The following A1CF variants were observed in gnomAD, a reference collection of about 807,000 sequenced individuals.
A1CF encodes APOBEC1 complementation factor.
A1CF carries 48 observed loss-of-function variants against 68.9 expected under a neutral mutation model. That is an observed-to-expected ratio of 0.70 (90% CI 0.55 to 0.89). The LOEUF (loss-of-function observed/expected upper bound fraction) is 0.89. A1CF is among the 40% of genes least tolerant of loss of function. The probability of loss-of-function intolerance (pLI) is 0.00; values close to 1 mark genes in which losing one functional copy is unlikely to be tolerated. For missense variants in A1CF, 653 were observed against 718.9 expected (o/e 0.91, Z 1.05); for synonymous variants, 272 against 260.4 (o/e 1.04, Z -0.43).
At chr10:50,874,007 C>A (rs1000369367) in intron 1 of A1CF, among the ~76,000 whole-genome samples, 6 of 151,826 alleles carry the variant, frequency 4.0e-5, no homozygotes, top group African/African-American at 1.2e-4. Flanking sequence ...TGTGTATATG[C>A]ACATATGTAC....
Position 50,802,477 on chromosome 10 carries a change from G to C in A1CF, c.*4252C>G, listed in dbSNP as rs1038010437. ...CTTGTAGTGCTATGTTAGAAACTTA[G>C]TTTTATCTTTAACAGATGTATTTAC... is the stretch of plus-strand genomic sequence containing the variant. On this transcript the variant is annotated 3_prime_UTR_variant, in exon 13 of 13. Transcript: ENST00000373997. 5 of 152,044 alleles carry C rather than the reference G, an allele frequency of 3.3e-5. No individual in the cohort carries two copies. The highest frequency in any genetic ancestry group is 1.2e-4 in the African/African-American group (5 of 41,404). 9.4% of individuals were successfully genotyped at this position (152,044 alleles called of 1,614,324 possible).
chr10:50,867,512 A>T (rs1255074527), intron 1 of A1CF, among the ~76,000 whole-genome samples: 2 of 152,184 alleles, frequency 1.3e-5, no homozygotes, highest in African/African-American at 4.8e-5. Flanking sequence ...GAGTGAAATG[A>T]TAGACAATGG....
In A1CF at chr10:50,840,276, AT is replaced by A. The variant is rs202161491; in HGVS notation, c.365+1585del. 8.0e-3 allele frequency among the ~76,000 whole-genome samples: 1,184 copies of A among 147,616 alleles called. 15 individuals carry two copies. Among genetic ancestry groups the A allele is most frequent in the African/African-American group, 0.023 (921 of 40,286 alleles). Reference sequence around the variant, plus strand: ...AATTGATGAACTGTGCTAAAATACAATTTTTTTTTTTTTATCATTTGTCGGC... The same window carrying A: ...AATTGATGAACTGTGCTAAAATACAATTTTTTTTTTTTATCATTTGTCGGC... On this transcript the variant is annotated intron_variant, in intron 5 of 12. Coordinates refer to ENST00000373997, the MANE Select transcript of A1CF (RefSeq NM_014576.4).
At chr10:50,811,281 T>G in intron 10 of A1CF, 105 bp from the exon 11 acceptor site, 1 of 1,166,538 alleles carries the variant, frequency 8.6e-7, no homozygotes, top group Non-Finnish European at 1.2e-6. Flanking sequence ...AGCTAGTATC[T>G]GAAGACATAA....
intron 2 of A1CF, 141 bp from the exon 3 acceptor site, chr10:50,860,126 G>T: frequency 1.8e-6 from 1 of 564,046 alleles, no homozygotes; most frequent in Non-Finnish European, 3.1e-6. Context: ...ATACAAACAA[G>T]GCTGTGTAAA....
At chr10:50,860,739 A>C (rs184841781) in intron 2 of A1CF, among the ~76,000 whole-genome samples, 1 of 152,324 alleles carries the variant, frequency 6.6e-6, no homozygotes, top group East Asian at 1.9e-4. Flanking sequence ...TACATTTTCT[A>C]TTTTGGGAAC....
rs12246868 is a variant in A1CF at position 50,884,853 on chromosome 10, C to G, written c.-94+728G>C. On this transcript the variant is annotated intron_variant, in intron 1 of 12. Coordinates refer to ENST00000373997, the MANE Select transcript of A1CF (RefSeq NM_014576.4). ...TTGATTTCTTTCTTTAGCTAAAATA[C>G]CATTATAATGTTTTTGGAGTACACA... 9.0e-3 allele frequency among the ~76,000 whole-genome samples: 1,375 copies of G among 152,070 alleles called. 25 individuals are homozygous for G. Among genetic ancestry groups the G allele is most frequent in the African/African-American group, 0.031 (1,301 of 41,484 alleles).
intron 1 of A1CF, among the ~76,000 whole-genome samples, chr10:50,874,885 A>C (rs781412580): frequency 2.0e-5 from 3 of 152,102 alleles, no homozygotes; most frequent in Non-Finnish European, 4.4e-5. Context: ...TGGTAGAATC[A>C]CCTGTGCTTA....
chr10:50,822,321 A>G (rs916932166), intron 7 of A1CF, among the ~76,000 whole-genome samples: 2 of 152,204 alleles, frequency 1.3e-5, no homozygotes, highest in Admixed American at 6.5e-5. Flanking sequence ...TAGCATGCCA[A>G]TTATCTTCTT....
intron 6 of A1CF, among the ~76,000 whole-genome samples, chr10:50,830,253 A>G (rs958286059): frequency 1.3e-5 from 2 of 152,180 alleles, no homozygotes; most frequent in African/African-American, 4.8e-5. Context: ...TTTAGATTCC[A>G]CATATAAGTG....
At chr10:50,883,294 C>T (rs750820290) in intron 1 of A1CF, among the ~76,000 whole-genome samples, 1 of 152,142 alleles carries the variant, frequency 6.6e-6, no homozygotes, top group Non-Finnish European at 1.5e-5. Context: ...GCTTTATCAT[C>T]TAATTTAAAC....
chr10:50,832,413 T>G (rs1480898476), intron 6 of A1CF, among the ~76,000 whole-genome samples: 4 of 152,162 alleles, frequency 2.6e-5, no homozygotes, highest in African/African-American at 9.7e-5. Flanking sequence ...TCAGGAGTTT[T>G]AAAAGTAGCT....
intron 6 of A1CF, among the ~76,000 whole-genome samples, chr10:50,834,633 G>C (rs759397925): frequency 6.6e-6 from 1 of 152,102 alleles, no homozygotes; most frequent in Admixed American, 6.6e-5. Flanking sequence ...TTTTGAACTG[G>C]CCAGTTAGTG....
Position 50,801,148 on chromosome 10 carries a change from G to T in A1CF, c.*5581C>A, listed in dbSNP as rs1837584708. On this transcript the variant is annotated 3_prime_UTR_variant, in exon 13 of 13. Transcript: ENST00000373997. Reference sequence around the variant, plus strand: ...GCAGAACTCAGGACTCACAGCCCAGGGGTTATGAGAGGAAAACTAGGACCA... The same window carrying T: ...GCAGAACTCAGGACTCACAGCCCAGTGGTTATGAGAGGAAAACTAGGACCA... The T allele has an allele frequency of 6.6e-6, 1 of 152,156 alleles. No homozygotes were observed. Among genetic ancestry groups the T allele is most frequent in the South Asian group, 2.1e-4 (1 of 4,826 alleles). The allele number at this position is 152,156 out of a possible 1,614,324, so 9.4% of individuals were successfully genotyped here.
chr10:50,882,458 C>T (rs1251070805), intron 1 of A1CF, among the ~76,000 whole-genome samples: 1 of 151,912 alleles, frequency 6.6e-6, no homozygotes, highest in African/African-American at 2.4e-5. Context: ...TCATCAACAA[C>T]AAAAAACTGA....
At chr10:50,883,878 G>T (rs187120835) in intron 1 of A1CF, among the ~76,000 whole-genome samples, 8 of 152,330 alleles carry the variant, frequency 5.3e-5, no homozygotes, top group African/African-American at 1.2e-4. Flanking sequence ...AGCTGAGCCT[G>T]TTAGGTAATT....
intron 6 of A1CF, among the ~76,000 whole-genome samples, chr10:50,834,549 A>G (rs1370774479): frequency 6.6e-6 from 1 of 152,238 alleles, no homozygotes; most frequent in Non-Finnish European, 1.5e-5. Context: ...ATAAAAGACC[A>G]GGAAATGAAT....
intron 12 of A1CF, among the ~76,000 whole-genome samples, chr10:50,807,527 T>C (rs1013883826): frequency 6.6e-6 from 1 of 152,182 alleles, no homozygotes; most frequent in African/African-American, 2.4e-5. Context: ...ATCAAGCCTG[T>C]GCTTGTTGTA....
At chr10:50,874,325 A>G (rs919025222) in intron 1 of A1CF, among the ~76,000 whole-genome samples, 1 of 152,238 alleles carries the variant, frequency 6.6e-6, no homozygotes, top group African/African-American at 2.4e-5. Flanking sequence ...TTTATGATCC[A>G]ATAGAAACAC....
Sources: allele counts gnomAD v4.1 joint callset (sites outside exome capture counted in the v4.1 genomes callset), GRCh38; gene constraint gnomAD v4.1.1; transcripts MANE v1.5; gene names NCBI Gene and HGNC (gene_info 2026-07-23, HGNC 2026-07-21).